The following SPATA6L variants were observed in gnomAD, a reference collection of about 807,000 sequenced individuals.
SPATA6L encodes the protein spermatogenesis associated 6-like protein.
A neutral mutation model predicts 49.2 loss-of-function variants in SPATA6L; 68 were observed. That is an observed-to-expected ratio of 1.38 (90% CI 1.14 to 1.69). SPATA6L has a LOEUF of 1.69. SPATA6L is among the 40% of genes most tolerant of loss of function. SPATA6L has a pLI of 0.00. For missense variants in SPATA6L, 668 were observed against 464.3 expected (o/e 1.44, Z -4.03); for synonymous variants, 198 against 165.7 (o/e 1.19, Z -1.50).
intron 9 of SPATA6L, among the ~76,000 whole-genome samples, 167 bp downstream of exon 9, chr9:4,617,756 T>TA (rs1473170223): frequency 6.6e-6 from 1 of 152,226 alleles, no homozygotes. Flanking sequence ...TATTCTGAGA[T>TA]ATGCCTCTGA....
At chr9:4,595,935 T>C (rs1822218995), downstream of SPATA6L, among the ~76,000 whole-genome samples, 1 of 152,204 alleles carries the variant, frequency 6.6e-6, no homozygotes, top group Admixed American at 6.5e-5. Flanking sequence ...CCACAGAGCC[T>C]TTGGCTGGTT....
At chr9:4,603,035 G>A in intron 11 of SPATA6L, among the ~76,000 whole-genome samples, 1 of 152,316 alleles carries the variant, frequency 6.6e-6, no homozygotes, top group East Asian at 1.9e-4. Flanking sequence ...GAGAAACGAT[G>A]ATGTCCCACA....
At chr9:4,652,718 G>A (rs1837203113) in intron 3 of SPATA6L, among the ~76,000 whole-genome samples, 1 of 151,758 alleles carries the variant, frequency 6.6e-6, no homozygotes, top group South Asian at 2.1e-4. Context: ...GTGCATGCCT[G>A]TAATCCCAGC....
At chr9:4,611,219 C>T (rs1486802286) in intron 9 of SPATA6L, among the ~76,000 whole-genome samples, 1 of 145,454 alleles carries the variant, frequency 6.9e-6, no homozygotes, top group Non-Finnish European at 1.5e-5. Context: ...ACTAGTTCAA[C>T]CATTGTGGAA....
rs1388076569 is a variant in SPATA6L at position 4,618,068 on chromosome 9, A to C, written c.850T>G (p.Ser284Ala). The C allele has an allele frequency of 6.2e-6, 10 of 1,613,886 alleles. No homozygotes were observed. The highest frequency in any genetic ancestry group is 8.5e-6 in the Non-Finnish European group (10 of 1,179,912). The part of the protein sequence containing the change: ...PDERIVLRSD[S>A]SSCLDSSQFG... ...TGACTTGAATCTAAACATGATGATG[A>C]GTCACTCCTTAAAACAATCCGTTCA... Residue 284 changes from serine to alanine, a missense_variant, in exon 9 of 12, where the codon TCA becomes GCA. Transcript: ENST00000682582.
chr9:4,617,095 T>G (rs1467703693), intron 9 of SPATA6L, among the ~76,000 whole-genome samples: 1 of 152,200 alleles, frequency 6.6e-6, no homozygotes, highest in East Asian at 1.9e-4. Context: ...AAAGTTAATA[T>G]AATTCCTGTA....
In SPATA6L at chr9:4,662,083, G is replaced by C; in HGVS notation, c.40-47C>G. 2.5e-6 allele frequency: 4 copies of C among 1,602,298 alleles called. No individual in the cohort carries two copies. The highest frequency in any genetic ancestry group is 3.4e-6 in the Non-Finnish European group (4 of 1,173,906). On this transcript the variant is annotated intron_variant, in intron 1 of 11. Coordinates refer to ENST00000682582, the MANE Select transcript of SPATA6L (RefSeq NM_001353486.2). This position sits in a 1 kb window ranked among gnomAD's most constrained non-coding sequence, Gnocchi z 4.9. The stretch of plus-strand genomic sequence containing the variant: ...AAACAAGGGAGAGAAAACAGACTTT[G>C]CTTTGTTTTGTTACACGGGGCTCTA...
downstream of SPATA6L, among the ~76,000 whole-genome samples, chr9:4,594,387 AT>A (rs1272402173): frequency 6.6e-6 from 1 of 151,744 alleles, no homozygotes; most frequent in Non-Finnish European, 1.5e-5. Flanking sequence ...CTTTTTTTGT[AT>A]TTTTTAGTAG....
At chr9:4,624,705 G>A (rs1340003079) in intron 6 of SPATA6L, among the ~76,000 whole-genome samples, 1 of 149,038 alleles carries the variant, frequency 6.7e-6, no homozygotes, top group East Asian at 1.9e-4. Context: ...TCCAGCCTAG[G>A]CGACAGCGCA....
chr9:4,614,866 G>A (rs1403864743), intron 9 of SPATA6L, among the ~76,000 whole-genome samples: 1 of 152,286 alleles, frequency 6.6e-6, no homozygotes, highest in Non-Finnish European at 1.5e-5. Flanking sequence ...ATCAGAGATG[G>A]CCAATAAAAC....
chr9:4,653,309 CA>C (rs1235308859), intron 3 of SPATA6L, among the ~76,000 whole-genome samples: 2 of 152,094 alleles, frequency 1.3e-5, no homozygotes, highest in Admixed American at 1.3e-4. Flanking sequence ...TATCCATATG[CA>C]AAAGAATGAA....
At chr9:4,637,587 C>T (rs1833061195) in intron 3 of SPATA6L, among the ~76,000 whole-genome samples, 1 of 152,172 alleles carries the variant, frequency 6.6e-6, no homozygotes, top group Admixed American at 6.5e-5. Context: ...AAGACAATCA[C>T]ACCTGAAAAG....
At chr9:4,596,383 C>T (rs1310355578), downstream of SPATA6L, 2 of 152,180 alleles carry the variant, frequency 1.3e-5, no homozygotes, top group African/African-American at 4.8e-5. Context: ...AATGAGCTTT[C>T]ATAATGAAGA....
In SPATA6L at chr9:4,609,270, G is replaced by T. The variant is rs866944167; in HGVS notation, c.996-3830C>A. 3.3e-5 allele frequency among the ~76,000 whole-genome samples: 5 copies of T among 151,262 alleles called. No individual in the cohort carries two copies. The East Asian group carries it at 5.8e-4, about 18-fold the overall frequency. On this transcript the variant is annotated intron_variant, in intron 9 of 11. Coordinates refer to ENST00000682582, the MANE Select transcript of SPATA6L (RefSeq NM_001353486.2). Reference sequence around the variant, plus strand: ...GAAACTATTCCAATCAATAGAAAAAGAGGGAATCCTCCCTAACTCATTTTA... The same window carrying T: ...GAAACTATTCCAATCAATAGAAAAATAGGGAATCCTCCCTAACTCATTTTA...
intron 3 of SPATA6L, 137 bp from the exon 4 acceptor site, chr9:4,635,536 G>T: frequency 2.6e-6 from 2 of 768,770 alleles, no homozygotes; most frequent in Non-Finnish European, 1.9e-6. Context: ...TGTTATTCAA[G>T]AGGAGACTAA....
chr9:4,655,806 C>T (rs1028642111), intron 3 of SPATA6L, among the ~76,000 whole-genome samples: 5 of 152,142 alleles, frequency 3.3e-5, no homozygotes, highest in African/African-American at 9.7e-5. Flanking sequence ...CCGCCTCGGC[C>T]TCCCAAAGTG....
At chr9:4,604,788 ATTC>A (rs1409617313) in intron 10 of SPATA6L, among the ~76,000 whole-genome samples, 1 of 152,174 alleles carries the variant, frequency 6.6e-6, no homozygotes, top group Non-Finnish European at 1.5e-5. Context: ...CTATATTTGA[ATTC>A]TTTGAGCAGG....
At chr9:4,652,210 C>G (rs1036135604) in intron 3 of SPATA6L, among the ~76,000 whole-genome samples, 2 of 152,076 alleles carry the variant, frequency 1.3e-5, no homozygotes, top group East Asian at 1.9e-4. Context: ...CACCTGAGGC[C>G]GGGAGTTCAA....
intron 9 of SPATA6L, among the ~76,000 whole-genome samples, chr9:4,605,685 TTTC>T (rs1360923080): frequency 3.3e-5 from 5 of 152,214 alleles, no homozygotes; most frequent in African/African-American, 1.2e-4. Context: ...GAGTGATTCT[TTTC>T]TTCTTTGTAC....
Sources: allele counts gnomAD v4.1 joint callset (sites outside exome capture counted in the v4.1 genomes callset), GRCh38; gene constraint gnomAD v4.1.1; non-coding constraint Gnocchi (gnomAD v3.1); transcripts MANE v1.5; gene names NCBI Gene and HGNC (gene_info 2026-07-23, HGNC 2026-07-21).